DPH6: variants seen among roughly 807,000 people sequenced by gnomAD.
DPH6 encodes the protein diphthine--ammonia ligase.
DPH6 carries 33 observed loss-of-function variants against 38.2 expected under a neutral mutation model. The observed-to-expected ratio is 0.86, with a 90% CI of 0.65 to 1.15. The LOEUF is 1.15. Among genes scored for constraint, DPH6 ranks in the 50% most tolerant of loss-of-function variants. The probability of loss-of-function intolerance (pLI) is 0.00; values close to 1 mark genes in which losing one functional copy is unlikely to be tolerated. For missense variants in DPH6, 325 were observed against 320.0 expected, an observed-to-expected ratio of 1.02 and a Z score of -0.12; for synonymous variants, 108 against 103.0, an observed-to-expected ratio of 1.05 and a Z score of -0.30.
exon 4 of DPH6, chr15:35,219,550 T>C (rs542453011): frequency 6.6e-6 from 1 of 152,342 alleles, no homozygotes; most frequent in South Asian, 2.1e-4. Context: ...TACACCATTT[T>C]CACGCAGCCT....
chr15:35,496,798 T>C (rs1267521844), intron 3 of DPH6, among the ~76,000 whole-genome samples: 1 of 151,708 alleles, frequency 6.6e-6, no homozygotes, highest in Non-Finnish European at 1.5e-5. Flanking sequence ...TCTCCAGCCA[T>C]TCACATAATC....
At chr15:35,194,662 C>T in the DPH6 span, among the ~76,000 whole-genome samples, 2 of 152,188 alleles carry the variant, frequency 1.3e-5, no homozygotes, top group African/African-American at 4.8e-5. Context: ...ATTTTAAAAT[C>T]TATTGATTGC....
chr15:35,443,476 T>C (rs1353427285), intron 5 of DPH6, among the ~76,000 whole-genome samples: 2 of 152,142 alleles, frequency 1.3e-5, no homozygotes, highest in Non-Finnish European at 2.9e-5. Context: ...ATCTGAGTAC[T>C]GATTTAGGAA....
At chr15:35,218,280 C>A (rs538854827) in exon 4 of DPH6, 8 of 152,130 alleles carry the variant, frequency 5.3e-5, no homozygotes, top group African/African-American at 1.7e-4. Flanking sequence ...TCAAAGAGAA[C>A]GAAACACCTT....
chr15:35,427,968 C>CA (rs757460697), intron 5 of DPH6, among the ~76,000 whole-genome samples: 9 of 151,922 alleles, frequency 5.9e-5, no homozygotes, highest in Non-Finnish European at 1.0e-4. Flanking sequence ...TCACTGCAGA[C>CA]AAGAGGCAGC....
intron 5 of DPH6, among the ~76,000 whole-genome samples, chr15:35,412,041 A>G (rs543522141): frequency 2.0e-5 from 3 of 151,868 alleles, no homozygotes; most frequent in African/African-American, 7.2e-5. Flanking sequence ...CTGCTCTGTG[A>G]AAGATAATGT....
chr15:35,187,313 C>A, the DPH6 span, among the ~76,000 whole-genome samples: 1 of 152,184 alleles, frequency 6.6e-6, no homozygotes, highest in African/African-American at 2.4e-5. Context: ...AGCCTGTGCT[C>A]TTTCCACTAC....
rs2052038623 is a variant in DPH6 at position 35,299,414 on chromosome 15, T to C, written n.200+74107A>G. On this transcript the variant is annotated intron_variant and non_coding_transcript_variant, in intron 3 of 3. Coordinates refer to the DPH6 transcript ENST00000560386. ...GACCAGCCTTCTGTTTTTGAGTCAC[T>C]GGTTTCCTCTGATCGTACAGGGACA... 3 of 790,488 alleles carry C rather than the reference T, an allele frequency of 3.8e-6. No homozygotes were observed. The African/African-American group carries it at 5.1e-5, about 13-fold the overall frequency. 49.0% of individuals were successfully genotyped at this position (790,488 alleles called of 1,614,324 possible).
At chr15:35,300,670 T>C (rs533572447) in intron 3 of DPH6, among the ~76,000 whole-genome samples, 2 of 152,302 alleles carry the variant, frequency 1.3e-5, no homozygotes, top group East Asian at 3.9e-4. Context: ...CGTTGGGTAT[T>C]ATCTTTCACC....
chr15:35,542,385 C>T (rs1232875084), intron 2 of DPH6, 28 bp downstream of exon 2: 1 of 1,516,590 alleles, frequency 6.6e-7, no homozygotes, highest in Admixed American at 1.7e-5. Context: ...TTCATTTAGG[C>T]AACTTCCCAA....
At chr15:35,170,806 A>G in the DPH6 span, among the ~76,000 whole-genome samples, 18 of 152,146 alleles carry the variant, frequency 1.2e-4, no homozygotes, top group African/African-American at 1.9e-4. Flanking sequence ...CTACACTCTC[A>G]TTGACTGGAT....
intron 3 of DPH6, among the ~76,000 whole-genome samples, chr15:35,359,810 G>A (rs2140904917): frequency 6.6e-6 from 1 of 152,090 alleles, no homozygotes; most frequent in Non-Finnish European, 1.5e-5. Flanking sequence ...AAGTTTTTCA[G>A]TTCAGTCATT....
chr15:35,177,905 G>A, the DPH6 span, among the ~76,000 whole-genome samples: 1 of 151,786 alleles, frequency 6.6e-6, no homozygotes, highest in African/African-American at 2.4e-5. Context: ...TGATGCCATT[G>A]CACTCCAGCC....
chr15:35,392,448 ACCT>A (rs1555398030), intron 6 of DPH6, among the ~76,000 whole-genome samples: 1 of 151,576 alleles, frequency 6.6e-6, no homozygotes, highest in Non-Finnish European at 1.5e-5. Flanking sequence ...TTCACCTTTC[ACCT>A]CCACCTAGAG....
At chr15:35,238,157 T>A in intron 3 of DPH6, 1 of 955,180 alleles carries the variant, frequency 1.0e-6, no homozygotes, top group South Asian at 1.5e-5. Context: ...TGAAACTTAT[T>A]TTTTTTTCTG....
rs115292789 is a variant in DPH6, at chr15:35,538,075, G to A, written c.312+199C>T. 3.8e-3 allele frequency: 1,436 copies of A among 376,660 alleles called. 33 individuals carry two copies. Among genetic ancestry groups the A allele is most frequent in the African/African-American group, 0.028 (1,321 of 47,990 alleles). The allele number at this position is 376,660 out of a possible 1,614,324, so 23.3% of individuals were successfully genotyped here. ...TCCTGGATGCCAAACTATACAAAAC[G>A]TCTTATTTTTAAATATCATTTAATA... On this transcript the variant is annotated intron_variant, in intron 3 of 8. Coordinates refer to ENST00000256538, the MANE Select transcript of DPH6 (RefSeq NM_080650.4).
At chr15:35,388,360 A>T (rs1465257468) in intron 6 of DPH6, among the ~76,000 whole-genome samples, 2 of 152,198 alleles carry the variant, frequency 1.3e-5, no homozygotes, top group African/African-American at 4.8e-5. Context: ...GCCTCATAAA[A>T]TGAGTTACAG....
chr15:35,239,207 C>T (rs1379207231), intron 3 of DPH6, among the ~76,000 whole-genome samples: 5 of 144,036 alleles, frequency 3.5e-5, no homozygotes, highest in Non-Finnish European at 4.6e-5. Flanking sequence ...ATTTCAAATC[C>T]GGTAAGCGGC....
chr15:35,298,915 TG>T, intron 3 of DPH6: 1 of 829,636 alleles, frequency 1.2e-6, no homozygotes, highest in Non-Finnish European at 2.1e-6. Flanking sequence ...GCCAGAGAAG[TG>T]GGTGAGGCAA....
Sources: allele counts gnomAD v4.1 joint callset (sites outside exome capture counted in the v4.1 genomes callset), GRCh38; gene constraint gnomAD v4.1.1; transcripts MANE v1.5; gene names NCBI Gene and HGNC (gene_info 2026-07-23, HGNC 2026-07-21).